The following SULF1 variants were observed in gnomAD, a reference collection of about 807,000 sequenced individuals.
SULF1 encodes the protein extracellular sulfatase Sulf-1.
Under a neutral mutation model 110.5 loss-of-function variants are expected in SULF1, and 46 were observed. That is an observed-to-expected ratio of 0.42 (90% CI 0.33 to 0.53). SULF1 has a LOEUF of 0.53. Ranked by LOEUF, SULF1 falls within the 20% of genes least tolerant of loss-of-function variation. SULF1 has a pLI of 0.12. For synonymous variants in SULF1, 371 were observed against 387.1 expected, an observed-to-expected ratio of 0.96 and a Z score of 0.49; for missense variants, 941 against 1,094.2, an observed-to-expected ratio of 0.86 and a Z score of 1.98.
chr8:69,545,144 C>T (rs1285158982), intron 3 of SULF1, among the ~76,000 whole-genome samples: 2 of 136,018 alleles, frequency 1.5e-5, no homozygotes, highest in Admixed American at 1.5e-4. Context: ...CTTTATTTGA[C>T]CCAGAAACCT....
At chr8:69,627,656 A>G (rs996947387) in intron 16 of SULF1, 116 bp from the exon 17 acceptor site, 2 of 733,400 alleles carry the variant, frequency 2.7e-6, no homozygotes, top group African/African-American at 1.8e-5. Flanking sequence ...TATGTTAAGT[A>G]TCATCTCAGA....
chr8:69,569,458 AG>A (rs1482881650), intron 5 of SULF1, among the ~76,000 whole-genome samples: 2 of 152,220 alleles, frequency 1.3e-5, no homozygotes, highest in African/African-American at 2.4e-5. Flanking sequence ...GGATGTTTGA[AG>A]GGGAGCTGCA....
At chr8:69,581,778 C>T (rs1366472925) in intron 6 of SULF1, among the ~76,000 whole-genome samples, 1 of 152,104 alleles carries the variant, frequency 6.6e-6, no homozygotes, top group East Asian at 1.9e-4. Context: ...CAGGAAACAT[C>T]GTGTTGAAAG....
intron 3 of SULF1, among the ~76,000 whole-genome samples, chr8:69,526,443 C>CT (rs1812667441): frequency 6.6e-6 from 1 of 151,700 alleles, no homozygotes; most frequent in Non-Finnish European, 1.5e-5. Flanking sequence ...TCTTCCATTT[C>CT]AAAATATTTG....
chr8:69,587,493 A>G (rs937660269), intron 7 of SULF1, among the ~76,000 whole-genome samples: 7 of 152,208 alleles, frequency 4.6e-5, no homozygotes. Flanking sequence ...ATGCAAATGA[A>G]TTCATAAACA....
At chr8:69,571,567 G>C (rs1023259175) in intron 5 of SULF1, among the ~76,000 whole-genome samples, 51 of 152,130 alleles carry the variant, frequency 3.4e-4, no homozygotes, top group African/African-American at 1.2e-3. Context: ...TGAAATAATT[G>C]TTGTAATAAC....
rs562775170 is a variant in SULF1 at position 69,591,723 on chromosome 8, G to A, written c.734+2582G>A. Among the ~76,000 whole-genome samples the A allele has an allele frequency of 7.9e-5, 12 of 152,260 alleles. No homozygotes were observed. In the South Asian group the frequency reaches 2.3e-3, roughly 29 times the overall value. ...GAAGACACAGTTGCTAACATTTAAG[G>A]ACAGATAAACTAAGGCAGGGGTTGG... is the stretch of plus-strand genomic sequence containing the variant. On this transcript the variant is annotated intron_variant, in intron 8 of 22. Transcript: ENST00000402687.
At chr8:69,566,415 G>A (rs1815887630) in intron 5 of SULF1, among the ~76,000 whole-genome samples, 1 of 152,098 alleles carries the variant, frequency 6.6e-6, no homozygotes, top group African/African-American at 2.4e-5. Flanking sequence ...TATTTTCTGA[G>A]CAGTTACCAA....
intron 6 of SULF1, among the ~76,000 whole-genome samples, chr8:69,582,932 T>A (rs1806180975): frequency 6.6e-6 from 1 of 152,182 alleles, no homozygotes; most frequent in African/African-American, 2.4e-5. Flanking sequence ...AGACAGGAAT[T>A]CCTCATTAAA....
chr8:69,629,156 C>A (rs145698808), intron 18 of SULF1, among the ~76,000 whole-genome samples: 1 of 152,106 alleles, frequency 6.6e-6, no homozygotes, highest in Admixed American at 6.5e-5. Flanking sequence ...GCCTCATCCT[C>A]CCTAGTAGCT....
At chr8:69,523,096 T>TA (rs1812423077) in intron 3 of SULF1, among the ~76,000 whole-genome samples, 1 of 152,018 alleles carries the variant, frequency 6.6e-6, no homozygotes, top group African/African-American at 2.4e-5. Flanking sequence ...ATCATCTGGG[T>TA]AAAAAAGAAG....
chr8:69,554,986 AAAAAAAAAAAAAC>A (rs1311266326), intron 3 of SULF1, among the ~76,000 whole-genome samples: 1,654 of 103,964 alleles, frequency 0.016, 49 homozygotes, highest in African/African-American at 0.067. Context: ...CTCAAAAAAA[AAAAAAAAAAAAAC>A]AAAAAAAAAA....
chr8:69,603,321 G>A lies in SULF1; in HGVS notation c.1190+1G>A. The A allele has an allele frequency of 6.2e-7, 1 of 1,614,028 alleles. No individual in the cohort carries two copies. Among genetic ancestry groups the A allele is most frequent in the Non-Finnish European group, 8.5e-7 (1 of 1,180,030 alleles). On this transcript the variant is annotated splice_donor_variant, in intron 11 of 22. Transcript: ENST00000402687. LOFTEE classifies it high-confidence loss of function. ...TGGACCCAGAAAAGCCAGGTAACAG[G>A]TGTGTCATTGTTCCTCCTCTCAGCC...
intron 3 of SULF1, among the ~76,000 whole-genome samples, chr8:69,547,676 A>G (rs1290071763): frequency 6.6e-6 from 1 of 152,104 alleles, no homozygotes. Flanking sequence ...CGTCTGCTCT[A>G]GCTTTAGAGT....
At chr8:69,644,431 C>T (rs1661611781) in intron 22 of SULF1, among the ~76,000 whole-genome samples, 2 of 151,630 alleles carry the variant, frequency 1.3e-5, no homozygotes, top group East Asian at 1.9e-4. Flanking sequence ...AATTCCAAAG[C>T]GTGTTAGTAT....
At chr8:69,501,778 C>T (rs1239835712) in intron 2 of SULF1, 96 bp from the exon 3 acceptor site, 1 of 152,186 alleles carries the variant, frequency 6.6e-6, no homozygotes, top group African/African-American at 2.4e-5. Context: ...TCCTAATGAT[C>T]ACCCCCTTTG....
rs953739021 is a variant in SULF1, at chr8:69,554,096, G to A, written c.-133-9443G>A. Among the ~76,000 whole-genome samples, 26 of 152,310 alleles carry A rather than the reference G, an allele frequency of 1.7e-4. No homozygotes were observed. The South Asian group carries it at 2.5e-3, about 15-fold the overall frequency. On this transcript the variant is annotated intron_variant, in intron 3 of 22. Transcript: ENST00000402687. Reference sequence around the variant, plus strand: ...CTTTCATGAATGGCTGGCTTTACTTGTGGGGCCCATCATCCAGTTTAATTA... The same window carrying A: ...CTTTCATGAATGGCTGGCTTTACTTATGGGGCCCATCATCCAGTTTAATTA...
intron 3 of SULF1, among the ~76,000 whole-genome samples, chr8:69,525,620 T>TA (rs1339655823): frequency 1.3e-5 from 2 of 152,198 alleles, no homozygotes; most frequent in African/African-American, 4.8e-5. Flanking sequence ...AAAATTGCAA[T>TA]AAACCTCCCA....
At chr8:69,622,074 A>G in intron 14 of SULF1, among the ~76,000 whole-genome samples, 1 of 152,254 alleles carries the variant, frequency 6.6e-6, no homozygotes, top group South Asian at 2.1e-4. Flanking sequence ...ACTCCACAAT[A>G]TGGGCTTCAG....
Sources: gnomAD v4.1 joint callset for allele counts (sites outside exome capture counted in the v4.1 genomes callset) on GRCh38, gnomAD v4.1.1 for gene constraint, MANE v1.5 for transcripts, NCBI Gene and HGNC (gene_info 2026-07-23, HGNC 2026-07-21) for gene names.